The following ZNF101 variants were observed in gnomAD, a reference collection of about 807,000 sequenced individuals.
The protein encoded by ZNF101 is zinc finger protein 101, also known as zinc finger protein 101 (Y2).
In ZNF101, 34 loss-of-function variants were observed where a neutral mutation model predicts 42.6. That is an observed-to-expected ratio of 0.80 (90% CI 0.61 to 1.06). ZNF101 has a LOEUF of 1.06. ZNF101 is among the 50% of genes least tolerant of loss of function. The pLI is 0.00. For missense variants in ZNF101, 466 were observed against 530.9 expected, an observed-to-expected ratio of 0.88 and a Z score of 1.20; for synonymous variants, 158 against 183.9, an observed-to-expected ratio of 0.86 and a Z score of 1.14.
At chr19:19,673,511 G>C (rs1336216000) in intron 1 of ZNF101, among the ~76,000 whole-genome samples, 1 of 151,902 alleles carries the variant, frequency 6.6e-6, no homozygotes, top group Admixed American at 6.6e-5. Flanking sequence ...GCCTCCCAAA[G>C]TGCTAGGGTT....
At chr19:19,675,638 G>A (rs1387175153) in intron 1 of ZNF101, among the ~76,000 whole-genome samples, 4 of 152,152 alleles carry the variant, frequency 2.6e-5, no homozygotes, top group African/African-American at 9.7e-5. Context: ...CTGTATGTAT[G>A]TATTCTGCTG....
chr19:19,679,450 G>C lies in ZNF101; in HGVS notation c.461G>C (p.Ser154Thr). 6.2e-7 allele frequency: 1 copy of C among 1,614,096 alleles called. No individual in the cohort carries two copies. Among genetic ancestry groups the C allele is most frequent in the Non-Finnish European group, 8.5e-7 (1 of 1,180,030 alleles). Residue 154 changes from serine to threonine, a missense_variant, in exon 4 of 4, where the codon AGT becomes ACT. Physicochemically the swap from Ser to Thr is moderately conservative, Grantham distance 58 (BLOSUM62 1). Transcript: ENST00000592502. ...KQHGKASISP[S>T]SGARRTVTPT... ...CATGGGAAAGCCTCCATTTCCCCCA[G>C]TAGTGGTGCACGGCGCACAGTAACA...
chr19:19,671,601 G>GC (rs2062170719), intron 1 of ZNF101, among the ~76,000 whole-genome samples: 1 of 151,344 alleles, frequency 6.6e-6, no homozygotes, highest in South Asian at 2.1e-4. Flanking sequence ...CCGGGTTCAC[G>GC]CCATTCTCCT....
rs1014300772 is a variant in ZNF101 at position 19,681,585 on chromosome 19, A to C, written c.*1285A>C. On this transcript the variant is annotated 3_prime_UTR_variant, in exon 4 of 4. Transcript: ENST00000592502. ...GGCAACCTGGAGAAATCCCATGTAT[A>C]CAAAAAATAGAAAAGTTAGCCAGGG... 6.6e-6 allele frequency: 1 copy of C among 152,088 alleles called. No individual in the cohort carries two copies. The highest frequency in any genetic ancestry group is 2.1e-4 in the South Asian group (1 of 4,824). 9.4% of individuals were successfully genotyped at this position (152,088 alleles called of 1,614,324 possible).
intron 3 of ZNF101, 126 bp downstream of exon 3, chr19:19,678,912 C>A: frequency 1.0e-6 from 1 of 989,106 alleles, no homozygotes; most frequent in Non-Finnish European, 1.5e-6. Context: ...TAGAAGATTG[C>A]TACCAAAAAT....
Position 19,677,902 on chromosome 19 carries a change from C to G in ZNF101, c.42C>G (p.Thr14=), listed in dbSNP as rs61732588. 1.8e-4 allele frequency: 295 copies of G among 1,612,436 alleles called. 2 individuals are homozygous for G. In the African/African-American group the frequency reaches 3.6e-3, roughly 20 times the overall value. ...TTGAGGATGTGGCTGTGAACTTCAC[C>G]CAGGAGGAGTGGGCTTTGCTGAGTC... is the stretch of plus-strand genomic sequence containing the variant. The part of the protein sequence containing the change: ...VAFEDVAVNF[T]QEEWALLSPS... Residue 14 remains threonine, a synonymous_variant, in exon 2 of 4, where the codon ACC becomes ACG. Transcript: ENST00000592502.
rs534692202 is a variant in ZNF101, at chr19:19,671,501, AT to A, written c.3+2551del. ...TAATACCATCACCTTAGGTGTTAGG[AT>A]TTTTTTTTTTTTTTTGAGACAGAGT... On this transcript the variant is annotated intron_variant, in intron 1 of 3. Coordinates refer to ENST00000592502, the MANE Select transcript of ZNF101 (RefSeq NM_033204.4). 7.1e-3 allele frequency among the ~76,000 whole-genome samples: 997 copies of A among 140,536 alleles called. 6 individuals are homozygous for A. Among genetic ancestry groups the A allele is most frequent in the African/African-American group, 0.018 (700 of 37,942 alleles). The allele number at this position is 140,536 out of a possible 152,430, so 92.2% of individuals were successfully genotyped here.
At chr19:19,678,319 G>T (rs2062215515) in intron 2 of ZNF101, among the ~76,000 whole-genome samples, 1 of 151,780 alleles carries the variant, frequency 6.6e-6, no homozygotes, top group Admixed American at 6.6e-5. Context: ...ATAATGTTGA[G>T]AAATGCAGAA....
chr19:19,668,844 G>T lies in ZNF101; in HGVS notation c.-120G>T. 1.5e-6 allele frequency: 2 copies of T among 1,327,882 alleles called. No homozygotes were observed. The highest frequency in any genetic ancestry group is 2.0e-6 in the Non-Finnish European group (2 of 991,138). 82.3% of individuals were successfully genotyped at this position (1,327,882 alleles called of 1,614,324 possible). The stretch of plus-strand genomic sequence containing the variant: ...TCATTTCCCGCCGGCCCCCCATTCG[G>T]GTCCGGGTTTTAGTTCCTCGGGGAG... On this transcript the variant is annotated 5_prime_UTR_variant, in exon 1 of 4. Coordinates refer to ENST00000592502, the MANE Select transcript of ZNF101 (RefSeq NM_033204.4).
upstream of ZNF101, chr19:19,668,669 A>G (rs2062147842): frequency 2.4e-6 from 1 of 420,620 alleles, no homozygotes; most frequent in African/African-American, 2.1e-5. Context: ...CCACACAGCG[A>G]GCGGATTATT....
chr19:19,677,784 A>T, intron 1 of ZNF101, 80 bp from the exon 2 acceptor site: 2 of 1,551,164 alleles, frequency 1.3e-6, no homozygotes, highest in Admixed American at 1.9e-5. Flanking sequence ...GCCCGGCGTC[A>T]TGGGATCACT....
chr19:19,669,115 G>A, intron 1 of ZNF101, 149 bp downstream of exon 1: 1 of 1,202,892 alleles, frequency 8.3e-7, no homozygotes, highest in Non-Finnish European at 1.1e-6. Flanking sequence ...CTCGGTCGCC[G>A]GGTGGAGCTG....
chr19:19,679,124 TTAG>T, intron 3 of ZNF101, 54 bp from the exon 4 acceptor site: 1 of 1,569,260 alleles, frequency 6.4e-7, no homozygotes, highest in Non-Finnish European at 8.6e-7. Flanking sequence ...GACATGTCAA[TTAG>T]TAGAAAAGCA....
At chr19:19,676,372 C>T (rs1182864464) in intron 1 of ZNF101, 1 of 152,114 alleles carries the variant, frequency 6.6e-6, no homozygotes, top group African/African-American at 2.4e-5. Context: ...CCCTACTACT[C>T]TACATGCCTG....
chr19:19,674,429 A>G (rs2062190147), intron 1 of ZNF101, among the ~76,000 whole-genome samples: 11 of 149,754 alleles, frequency 7.3e-5, no homozygotes, highest in Admixed American at 5.3e-4. Context: ...ACTCGCCTCG[A>G]CCTCCCGAAG....
chr19:19,679,717 A>C lies in ZNF101; in HGVS notation c.728A>C (p.His243Pro). Reference protein sequence around the residue: ...PIDYPSLFQIHVRTHTGEKPY... With the variant: ...PIDYPSLFQIPVRTHTGEKPY... ...GATTATCCCAGTTTATTTCAAATTC[A>C]TGTTAGAACTCACACTGGAGAAAAA... Residue 243 changes from histidine to proline, a missense_variant, in exon 4 of 4, where the codon CAT becomes CCT. Physicochemically the swap from His to Pro is moderately conservative, Grantham distance 77. Coordinates refer to ENST00000592502, the MANE Select transcript of ZNF101 (RefSeq NM_033204.4). 1.2e-6 allele frequency: 2 copies of C among 1,614,186 alleles called. No individual in the cohort carries two copies. The highest frequency in any genetic ancestry group is 1.1e-5 in the South Asian group (1 of 91,078).
chr19:19,674,318 A>G (rs34558847), intron 1 of ZNF101, among the ~76,000 whole-genome samples: 6,646 of 152,086 alleles, frequency 0.044, 256 homozygotes, highest in East Asian at 0.17. Flanking sequence ...CTGGGACTAC[A>G]GGTGTGGGCT....
chr19:19,673,981 A>G (rs1251129161), intron 1 of ZNF101, among the ~76,000 whole-genome samples: 1 of 151,126 alleles, frequency 6.6e-6, no homozygotes, highest in Non-Finnish European at 1.5e-5. Flanking sequence ...TTTAGTAGAG[A>G]CGGGGTTTCA....
intron 1 of ZNF101, chr19:19,676,425 A>G (rs1212946953): frequency 1.3e-5 from 2 of 152,054 alleles, no homozygotes; most frequent in African/African-American, 4.8e-5. Context: ...TGGCCCATTG[A>G]AGACTCTTCT....
Sources: gnomAD v4.1 joint callset for allele counts (sites outside exome capture counted in the v4.1 genomes callset) on GRCh38, gnomAD v4.1.1 for gene constraint, MANE v1.5 for transcripts, NCBI Gene and HGNC (gene_info 2026-07-23, HGNC 2026-07-21) for gene names.